The following DLGAP1 variants were observed in gnomAD, a reference collection of about 807,000 sequenced individuals.
The protein encoded by DLGAP1 is disks large-associated protein 1.
In DLGAP1, 11 loss-of-function variants were observed where a neutral mutation model predicts 90.8. The observed-to-expected ratio is 0.12, with a 90% CI of 0.08 to 0.20. The LOEUF is 0.20. DLGAP1 is among the 10% of genes least tolerant of loss of function. The pLI is 1.00. For synonymous variants in DLGAP1, 558 were observed against 540.7 expected, an observed-to-expected ratio of 1.03 and a Z score of -0.44; for missense variants, 1,050 against 1,333.8, an observed-to-expected ratio of 0.79 and a Z score of 3.31.
intron 1 of DLGAP1, among the ~76,000 whole-genome samples, chr18:4,350,651 T>C (rs1419949133): frequency 6.6e-6 from 1 of 152,154 alleles, no homozygotes; most frequent in African/African-American, 2.4e-5. Flanking sequence ...GTAGGACAAT[T>C]TGGATAATCA....
intron 3 of DLGAP1, among the ~76,000 whole-genome samples, chr18:3,931,690 C>G (rs1599176818): frequency 6.6e-6 from 1 of 152,206 alleles, no homozygotes. Context: ...GGACATATTG[C>G]TTTCAACATC....
intron 4 of DLGAP1, among the ~76,000 whole-genome samples, chr18:3,867,138 C>G (rs547480638): frequency 3.2e-3 from 481 of 152,290 alleles, no homozygotes; most frequent in Non-Finnish European, 5.7e-3. Context: ...AGGTGTGAAC[C>G]ACTGCGCCCA....
rs1299520903 is a variant in DLGAP1, at chr18:3,526,685, C to A, written c.2479+7509G>T. Among the ~76,000 whole-genome samples the A allele has an allele frequency of 6.6e-6, 1 of 152,184 alleles. No individual in the cohort carries two copies. The highest frequency in any genetic ancestry group is 2.4e-5 in the African/African-American group (1 of 41,436). On this transcript the variant is annotated intron_variant, in intron 10 of 12. Transcript: ENST00000315677. The surrounding 1 kb of genome is among the most constrained non-coding windows in gnomAD (Gnocchi z 4.7). The stretch of plus-strand genomic sequence containing the variant: ...GTATTTCATCTTAGGGCCATTGAAA[C>A]CTGAGCCTATGTTCTTTCCCCACAG...
chr18:3,870,561 C>T (rs77554933), intron 4 of DLGAP1, among the ~76,000 whole-genome samples: 2,316 of 152,210 alleles, frequency 0.015, 50 homozygotes, highest in African/African-American at 0.052. Context: ...TGTTCCAATA[C>T]GTAATTCCTA....
chr18:4,199,512 C>T (rs1274463132), intron 1 of DLGAP1, among the ~76,000 whole-genome samples: 1 of 152,170 alleles, frequency 6.6e-6, no homozygotes, highest in African/African-American at 2.4e-5. Flanking sequence ...TAATCCTGGT[C>T]ATGCCAATGA....
intron 2 of DLGAP1, among the ~76,000 whole-genome samples, chr18:4,115,799 G>A (rs1035937809): frequency 1.3e-5 from 2 of 152,076 alleles, no homozygotes; most frequent in African/African-American, 4.8e-5. Flanking sequence ...ATATAGTTTT[G>A]CTCCTACCAA....
At chr18:3,548,892 C>G (rs983877996) in intron 9 of DLGAP1, among the ~76,000 whole-genome samples, 1 of 152,076 alleles carries the variant, frequency 6.6e-6, no homozygotes, top group Non-Finnish European at 1.5e-5. Context: ...CAAAAATTAG[C>G]TGGGTGTGCT....
At chr18:3,639,458 G>T (rs1395438276) in intron 7 of DLGAP1, among the ~76,000 whole-genome samples, 1 of 152,170 alleles carries the variant, frequency 6.6e-6, no homozygotes, top group Non-Finnish European at 1.5e-5. Context: ...GTCCAGAGGA[G>T]CCTGCACAGA....
In DLGAP1 at chr18:4,454,628, G is replaced by A. The variant is rs538874068; in HGVS notation, c.-267+378C>T. ...AAGGTGCATCGGGGGTGGGGTGGGG[G>A]TGCGAATTTGACCGGTGGACATGAC... On this transcript the variant is annotated intron_variant, in intron 1 of 12. Coordinates refer to ENST00000315677, the MANE Select transcript of DLGAP1 (RefSeq NM_004746.4). The surrounding 1 kb of genome is among the most constrained non-coding windows in gnomAD (Gnocchi z 4.7). 1.0e-3 allele frequency among the ~76,000 whole-genome samples: 156 copies of A among 152,212 alleles called. No individual in the cohort carries two copies. Among genetic ancestry groups the A allele is most frequent in the African/African-American group, 3.7e-3 (154 of 41,560 alleles).
intron 7 of DLGAP1, among the ~76,000 whole-genome samples, chr18:3,679,407 C>T (rs1010403003): frequency 4.6e-5 from 7 of 151,700 alleles, no homozygotes; most frequent in African/African-American, 1.7e-4. Context: ...CTTTGACTTC[C>T]CAAAAAACAC....
chr18:4,089,350 T>C (rs1450235394), intron 2 of DLGAP1, among the ~76,000 whole-genome samples: 1 of 152,148 alleles, frequency 6.6e-6, no homozygotes, highest in Non-Finnish European at 1.5e-5. Context: ...ATAGGAAGAA[T>C]AAATATTGTG....
At chr18:4,021,874 C>G (rs1023903088) in intron 2 of DLGAP1, among the ~76,000 whole-genome samples, 1 of 152,202 alleles carries the variant, frequency 6.6e-6, no homozygotes, top group Non-Finnish European at 1.5e-5. Context: ...GCTGGGATTA[C>G]AGGCGTGAGC....
intron 4 of DLGAP1, among the ~76,000 whole-genome samples, chr18:3,863,047 A>G (rs2070178763): frequency 6.6e-6 from 1 of 152,274 alleles, no homozygotes; most frequent in Non-Finnish European, 1.5e-5. Context: ...ATGCTGTCCA[A>G]TACAACTTTC....
At chr18:4,313,014 CTTA>C (rs2080440204) in intron 1 of DLGAP1, among the ~76,000 whole-genome samples, 1 of 152,118 alleles carries the variant, frequency 6.6e-6, no homozygotes. Flanking sequence ...ACTTCTTAGC[CTTA>C]TTAAGAGTAG....
At chr18:4,191,612 C>T (rs1051437456) in intron 1 of DLGAP1, among the ~76,000 whole-genome samples, 1 of 152,158 alleles carries the variant, frequency 6.6e-6, no homozygotes, top group African/African-American at 2.4e-5. Context: ...TCTGATCCAT[C>T]ACATTTGTGT....
intron 7 of DLGAP1, among the ~76,000 whole-genome samples, chr18:3,639,479 G>A (rs944104309): frequency 6.6e-6 from 1 of 152,210 alleles, no homozygotes; most frequent in Non-Finnish European, 1.5e-5. Context: ...AGCACAGGAA[G>A]AGCACGAACT....
chr18:3,846,834 T>A (rs2069045506), intron 4 of DLGAP1, among the ~76,000 whole-genome samples: 1 of 152,178 alleles, frequency 6.6e-6, no homozygotes, highest in Non-Finnish European at 1.5e-5. Flanking sequence ...GGTACAGGAT[T>A]CCTTATTGGA....
chr18:3,630,290 C>G (rs1312603534), intron 7 of DLGAP1, among the ~76,000 whole-genome samples: 1 of 152,154 alleles, frequency 6.6e-6, no homozygotes, highest in Admixed American at 6.5e-5. Context: ...TTTTTTCCAG[C>G]CTTCAGACTT....
intron 2 of DLGAP1, among the ~76,000 whole-genome samples, chr18:4,126,367 T>C (rs2076233286): frequency 1.3e-5 from 2 of 152,164 alleles, no homozygotes; most frequent in African/African-American, 4.8e-5. Context: ...TAAGATCACA[T>C]CTCTCAGGAA....
Sources: gnomAD v4.1 joint callset for allele counts (sites outside exome capture counted in the v4.1 genomes callset) on GRCh38, gnomAD v4.1.1 for gene constraint, Gnocchi (gnomAD v3.1) non-coding constraint, MANE v1.5 for transcripts, NCBI Gene and HGNC (gene_info 2026-07-23, HGNC 2026-07-21) for gene names.